PLCZ1: variants seen among roughly 807,000 people sequenced by gnomAD.
PLCZ1 encodes the protein phospholipase C zeta 1, also known as 1-phosphatidylinositol 4,5-bisphosphate phosphodiesterase zeta-1.
PLCZ1 carries 64 observed loss-of-function variants against 76.8 expected under a neutral mutation model. That is an observed-to-expected ratio of 0.83 (90% CI 0.68 to 1.03). PLCZ1 has a LOEUF of 1.03. PLCZ1 is among the 50% of genes least tolerant of loss of function. PLCZ1 has a pLI of 0.00. For synonymous variants in PLCZ1, 248 were observed against 230.8 expected (o/e 1.07, Z -0.68); for missense variants, 751 against 713.7 (o/e 1.05, Z -0.60).
chr12:18,699,952 TA>T lies in PLCZ1; in HGVS notation c.1018-3del. 6.2e-7 allele frequency: 1 copy of T among 1,606,912 alleles called. No homozygotes were observed. Among genetic ancestry groups the T allele is most frequent in the African/African-American group, 1.3e-5 (1 of 74,912 alleles). On this transcript the variant is annotated splice_region_variant and splice_polypyrimidine_tract_variant and intron_variant, in intron 9 of 14. Coordinates refer to ENST00000266505, the MANE Select transcript of PLCZ1 (RefSeq NM_033123.4). ...CAGAGCAATTTTTAGCTTCCTGGTC[TA>T]AAAATAAAATGCAGTAATTTTACAT... is the stretch of plus-strand genomic sequence containing the variant.
chr12:18,679,399 T>C (rs913975791), downstream of PLCZ1, among the ~76,000 whole-genome samples: 2 of 152,074 alleles, frequency 1.3e-5, no homozygotes, highest in Non-Finnish European at 2.9e-5. Context: ...CTATCTGCTT[T>C]CTTCTAGAAG....
At chr12:18,658,758 C>T in the PLCZ1 span, among the ~76,000 whole-genome samples, 21 of 152,154 alleles carry the variant, frequency 1.4e-4, no homozygotes, top group African/African-American at 5.1e-4. Flanking sequence ...TATTCTATTT[C>T]ACAGAGAGTA....
chr12:18,676,609 A>T, the PLCZ1 span, among the ~76,000 whole-genome samples: 1 of 152,108 alleles, frequency 6.6e-6, no homozygotes, highest in Non-Finnish European at 1.5e-5. Context: ...TCTGTTGTAG[A>T]CTACAAAGAA....
the PLCZ1 span, among the ~76,000 whole-genome samples, chr12:18,649,285 C>G: frequency 6.6e-6 from 1 of 152,066 alleles, no homozygotes; most frequent in East Asian, 1.9e-4. Flanking sequence ...TCCAGGTAAG[C>G]AAATTCCATG....
chr12:18,654,599 T>C, the PLCZ1 span, among the ~76,000 whole-genome samples: 13 of 152,076 alleles, frequency 8.5e-5, no homozygotes, highest in African/African-American at 3.1e-4. Flanking sequence ...TGAGGAAAAA[T>C]ATTTGGAAAA....
chr12:18,693,839 C>G, intron 12 of PLCZ1: 2 of 1,531,092 alleles, frequency 1.3e-6, no homozygotes, highest in Non-Finnish European at 1.8e-6. Flanking sequence ...TGAGTTCCCC[C>G]TGCCTGATGA....
chr12:18,733,865 A>G (rs1201887895), intron 3 of PLCZ1, among the ~76,000 whole-genome samples: 1 of 152,174 alleles, frequency 6.6e-6, no homozygotes, highest in East Asian at 1.9e-4. Flanking sequence ...CAATTACTGA[A>G]GTATTTTAAA....
chr12:18,729,322 C>T (rs1958920910), intron 3 of PLCZ1, among the ~76,000 whole-genome samples: 1 of 152,072 alleles, frequency 6.6e-6, no homozygotes, highest in Admixed American at 6.6e-5. Flanking sequence ...CCACTTCCAT[C>T]ATGGCATCTT....
At chr12:18,707,304 T>G (rs1341841012) in intron 6 of PLCZ1, among the ~76,000 whole-genome samples, 2 of 152,142 alleles carry the variant, frequency 1.3e-5, no homozygotes, top group Non-Finnish European at 2.9e-5. Context: ...CTCACTCTGA[T>G]CCCAAAAGAA....
At chr12:18,675,665 A>G in the PLCZ1 span, among the ~76,000 whole-genome samples, 4 of 152,182 alleles carry the variant, frequency 2.6e-5, no homozygotes, top group South Asian at 2.1e-4. Context: ...TGATATATAT[A>G]TCTATACCAT....
At chr12:18,729,162 A>G (rs1958912443) in intron 3 of PLCZ1, among the ~76,000 whole-genome samples, 1 of 152,100 alleles carries the variant, frequency 6.6e-6, no homozygotes, top group South Asian at 2.1e-4. Flanking sequence ...GGTTTCCATC[A>G]TCTGGCTATA....
chr12:18,734,210 C>A (rs575844478), intron 3 of PLCZ1, among the ~76,000 whole-genome samples: 31 of 152,152 alleles, frequency 2.0e-4, no homozygotes, highest in African/African-American at 7.2e-4. Context: ...TTTTTTAATG[C>A]TAGTGTAAAT....
chr12:18,700,102 AT>A, intron 9 of PLCZ1, 152 bp from the exon 10 acceptor site: 1 of 679,482 alleles, frequency 1.5e-6, no homozygotes, highest in East Asian at 2.8e-5. Context: ...CAATATGATT[AT>A]TTTTGGGAAC....
chr12:18,649,415 T>C, the PLCZ1 span, among the ~76,000 whole-genome samples: 3 of 152,190 alleles, frequency 2.0e-5, no homozygotes, highest in Non-Finnish European at 4.4e-5. Flanking sequence ...GCTATTGAAA[T>C]CCTCTTCTAC....
chr12:18,668,820 C>T, the PLCZ1 span, among the ~76,000 whole-genome samples: 1 of 152,154 alleles, frequency 6.6e-6, no homozygotes. Context: ...TACATATCTA[C>T]TCATACATCA....
the PLCZ1 span, among the ~76,000 whole-genome samples, chr12:18,660,236 T>G: frequency 6.6e-6 from 1 of 152,172 alleles, no homozygotes; most frequent in Non-Finnish European, 1.5e-5. Flanking sequence ...TGCGTATTTC[T>G]GGATCAGCTT....
chr12:18,668,695 A>G, the PLCZ1 span, among the ~76,000 whole-genome samples: 1 of 152,172 alleles, frequency 6.6e-6, no homozygotes, highest in East Asian at 1.9e-4. Context: ...CCTCCAGCCC[A>G]TAAAGGAAAA....
the PLCZ1 span, among the ~76,000 whole-genome samples, chr12:18,650,698 GTGTGTGTATATATC>G: frequency 0.022 from 637 of 28,920 alleles, 13 homozygotes; most frequent in South Asian, 0.032. Flanking sequence ...GTGTGTGTGT[GTGTGTGTATATATC>G]TATATATATA....
At position 18,693,561 on chromosome 12, in the gene PLCZ1, A is replaced by G. The variant is rs1954471858; in HGVS notation, c.1461+1349T>C. The G allele has an allele frequency of 4.4e-6, 7 of 1,603,260 alleles. No homozygotes were observed. The South Asian group carries it at 7.7e-5, about 18-fold the overall frequency. ...GAACTTATTCAGAAGTACCTAGGTG[A>G]TGGGCCCAAACTCGGACGGGAATTG... On this transcript the variant is annotated intron_variant, in intron 12 of 14. Coordinates refer to ENST00000266505, the MANE Select transcript of PLCZ1 (RefSeq NM_033123.4).
Sources: gnomAD v4.1 joint callset for allele counts (sites outside exome capture counted in the v4.1 genomes callset) on GRCh38, gnomAD v4.1.1 for gene constraint, MANE v1.5 for transcripts, NCBI Gene and HGNC (gene_info 2026-07-23, HGNC 2026-07-21) for gene names.